The following ATP6V1A variants were observed in gnomAD, a reference collection of about 807,000 sequenced individuals.
ATP6V1A encodes ATPase H+ transporting V1 subunit A.
ATP6V1A carries 18 observed loss-of-function variants against 70.1 expected under a neutral mutation model. The observed-to-expected ratio is 0.26, with a 90% CI of 0.18 to 0.38. ATP6V1A has a LOEUF of 0.38. Among genes scored for constraint, ATP6V1A ranks in the 10% least tolerant of loss-of-function variants. The pLI is 1.00. For missense variants in ATP6V1A, 424 were observed against 772.4 expected (o/e 0.55, Z 5.35); for synonymous variants, 232 against 253.8 (o/e 0.91, Z 0.82).
intron 6 of ATP6V1A, among the ~76,000 whole-genome samples, chr3:113,786,800 A>G (rs2108031784): frequency 6.6e-6 from 1 of 150,778 alleles, no homozygotes; most frequent in South Asian, 2.1e-4. Flanking sequence ...TAATTGAGAC[A>G]GGATCTCACT....
chr3:113,752,281 G>GT (rs1708596495), intron 1 of ATP6V1A, among the ~76,000 whole-genome samples: 1 of 151,828 alleles, frequency 6.6e-6, no homozygotes, highest in South Asian at 2.1e-4. Flanking sequence ...TTTTTTTAAT[G>GT]TTTAAAGGTA....
chr3:113,794,960 A>G lies in ATP6V1A; in HGVS notation c.1077A>G (p.Arg359=). The G allele has an allele frequency of 1.9e-6, 3 of 1,614,014 alleles. No homozygotes were observed. The highest frequency in any genetic ancestry group is 2.5e-6 in the Non-Finnish European group (3 of 1,179,954). Residue 359 remains arginine (R), a synonymous_variant, in exon 9 of 15, where the codon AGA becomes AGG. Transcript: ENST00000273398. ...DSTSRWAEAL[R]EISGRLAEMP... Reference sequence around the variant, plus strand: ...CCTCTAGATGGGCTGAGGCCCTTAGAGAAATCTCTGGTCGTTTAGCTGAAA... The same window carrying G: ...CCTCTAGATGGGCTGAGGCCCTTAGGGAAATCTCTGGTCGTTTAGCTGAAA...
intron 1 of ATP6V1A, among the ~76,000 whole-genome samples, chr3:113,761,075 A>C (rs1708698969): frequency 7.6e-6 from 1 of 131,536 alleles, no homozygotes; most frequent in Admixed American, 7.2e-5. Context: ...CAAAGAAAAA[A>C]AAAATAGACA....
intron 1 of ATP6V1A, among the ~76,000 whole-genome samples, chr3:113,766,600 A>T (rs192840358): frequency 1.2e-4 from 18 of 152,152 alleles, no homozygotes; most frequent in Admixed American, 3.9e-4. Context: ...CAGCTCAGAG[A>T]TCATCTCTAG....
At chr3:113,806,870 A>C (rs1158508321) in intron 14 of ATP6V1A, among the ~76,000 whole-genome samples, 1 of 152,204 alleles carries the variant, frequency 6.6e-6, no homozygotes, top group African/African-American at 2.4e-5. Context: ...TGTTTTTAAA[A>C]TATTTGATCA....
chr3:113,795,305 C>CA, intron 10 of ATP6V1A, 101 bp downstream of exon 10: 6 of 1,274,454 alleles, frequency 4.7e-6, no homozygotes, highest in African/African-American at 1.5e-5. Context: ...ATTTAGCTCC[C>CA]GCTGGGAGCA....
chr3:113,780,743 T>C (rs1459642163), intron 2 of ATP6V1A: 1 of 1,301,194 alleles, frequency 7.7e-7, no homozygotes, highest in Non-Finnish European at 1.0e-6. Flanking sequence ...CTTCACTCCA[T>C]GTATCATAGC....
At chr3:113,807,255 C>T (rs1338050385) in intron 14 of ATP6V1A, among the ~76,000 whole-genome samples, 2 of 150,876 alleles carry the variant, frequency 1.3e-5, no homozygotes, top group African/African-American at 2.4e-5. Context: ...TCCTGGCCCA[C>T]TGCAACCTCC....
At chr3:113,790,427 A>T (rs1004350937) in intron 8 of ATP6V1A, among the ~76,000 whole-genome samples, 1 of 151,484 alleles carries the variant, frequency 6.6e-6, no homozygotes, top group African/African-American at 2.4e-5. Flanking sequence ...ACCTTTTTTC[A>T]CTACATGTTT....
chr3:113,808,394 C>T (rs1186057046), intron 14 of ATP6V1A, among the ~76,000 whole-genome samples: 2 of 145,716 alleles, frequency 1.4e-5, no homozygotes, highest in South Asian at 4.5e-4. Flanking sequence ...TGGGTTCAAG[C>T]GAGTCTCCTG....
intron 1 of ATP6V1A, among the ~76,000 whole-genome samples, chr3:113,761,251 T>A (rs1325488266): frequency 6.6e-6 from 1 of 152,048 alleles, no homozygotes; most frequent in Non-Finnish European, 1.5e-5. Context: ...CAGCATCATT[T>A]TATAAGTGTA....
chr3:113,790,268 A>G (rs939431980), intron 8 of ATP6V1A, among the ~76,000 whole-genome samples: 5 of 143,478 alleles, frequency 3.5e-5, no homozygotes, highest in Admixed American at 1.5e-4. Flanking sequence ...GCGCCACTGC[A>G]CTCCAGCCTG....
chr3:113,758,764 G>A (rs1708671848), intron 1 of ATP6V1A, among the ~76,000 whole-genome samples: 1 of 152,166 alleles, frequency 6.6e-6, no homozygotes, highest in Admixed American at 6.5e-5. Flanking sequence ...TTTCCAAAGT[G>A]GTTGTACCAT....
chr3:113,769,869 A>C (rs1451353988), intron 1 of ATP6V1A, among the ~76,000 whole-genome samples: 1 of 152,158 alleles, frequency 6.6e-6, no homozygotes, highest in Non-Finnish European at 1.5e-5. Context: ...GTAACCAAAG[A>C]ATCTTAGTTG....
chr3:113,768,201 C>T (rs1708795311), intron 1 of ATP6V1A, among the ~76,000 whole-genome samples: 1 of 152,070 alleles, frequency 6.6e-6, no homozygotes, highest in African/African-American at 2.4e-5. Flanking sequence ...TCCAGTTTGC[C>T]ATCTGTGACT....
At chr3:113,754,978 G>A (rs1041982460) in intron 1 of ATP6V1A, among the ~76,000 whole-genome samples, 1 of 152,006 alleles carries the variant, frequency 6.6e-6, no homozygotes, top group Non-Finnish European at 1.5e-5. Context: ...TCTCACATTG[G>A]TATTACTTCC....
rs1002159725 is a variant in ATP6V1A, at chr3:113,762,344, G to A, written c.-14+15231G>A. ...AGCACTTTGGGAGGCCAAAGCGGGC[G>A]GATCACCTGAGGTCAGGAGTTCGAG... is the stretch of plus-strand genomic sequence containing the variant. On this transcript the variant is annotated intron_variant, in intron 1 of 14. Coordinates refer to ENST00000273398, the MANE Select transcript of ATP6V1A (RefSeq NM_001690.4). 9.2e-5 allele frequency among the ~76,000 whole-genome samples: 14 copies of A among 151,860 alleles called. 1 individual carries two copies. The highest frequency in any genetic ancestry group is 2.4e-4 in the African/African-American group (10 of 41,416).
At chr3:113,755,735 G>T (rs1708640752) in intron 1 of ATP6V1A, among the ~76,000 whole-genome samples, 1 of 152,110 alleles carries the variant, frequency 6.6e-6, no homozygotes, top group Non-Finnish European at 1.5e-5. Context: ...AGTTGAATGG[G>T]TAATACATGT....
chr3:113,760,409 G>C (rs1274572250), intron 1 of ATP6V1A, among the ~76,000 whole-genome samples: 1 of 152,114 alleles, frequency 6.6e-6, no homozygotes, highest in African/African-American at 2.4e-5. Context: ...ATGAACCTTT[G>C]TCCTCTTCTA....
Sources: gnomAD v4.1 joint callset for allele counts (sites outside exome capture counted in the v4.1 genomes callset) on GRCh38, gnomAD v4.1.1 for gene constraint, MANE v1.5 for transcripts, NCBI Gene and HGNC (gene_info 2026-07-23, HGNC 2026-07-21) for gene names.